The following ZNF462 variants were observed in gnomAD, a reference collection of about 807,000 sequenced individuals.
ZNF462 encodes zinc finger PBX1-interacting protein.
Under a neutral mutation model 201.9 loss-of-function variants are expected in ZNF462, and 10 were observed. That is an observed-to-expected ratio of 0.05 (90% CI 0.03 to 0.08). ZNF462 has a LOEUF of 0.08. Ranked by LOEUF, ZNF462 falls within the 10% of genes least tolerant of loss-of-function variation. ZNF462 has a pLI of 1.00. For missense variants in ZNF462, 2,523 were observed against 3,168.3 expected (o/e 0.80, Z 4.89); for synonymous variants, 1,227 against 1,193.3 (o/e 1.03, Z -0.58).
Position 107,010,596 on chromosome 9 carries a change from G to A in ZNF462, c.7314-227G>A, listed in dbSNP as rs1829877972. ...ATATAGTATAATAATGGATACTTCT[G>A]TAAGTTCAAATCTTTAAGATACAGA... On this transcript the variant is annotated intron_variant, in intron 12 of 12. Coordinates refer to ENST00000277225, the MANE Select transcript of ZNF462 (RefSeq NM_021224.6). This position sits in a 1 kb window ranked among gnomAD's most constrained non-coding sequence, Gnocchi z 4.6. 1.3e-5 allele frequency among the ~76,000 whole-genome samples: 2 copies of A among 152,070 alleles called. No homozygotes were observed.
chr9:106,912,230 C>G (rs1177396022), intron 1 of ZNF462, among the ~76,000 whole-genome samples: 2 of 149,514 alleles, frequency 1.3e-5, no homozygotes, highest in Non-Finnish European at 3.0e-5. Context: ...CATAAAGCTA[C>G]TACATAACAT....
upstream of ZNF462, among the ~76,000 whole-genome samples, chr9:106,860,168 C>A (rs61996261): frequency 3.5e-4 from 53 of 152,280 alleles, no homozygotes; most frequent in African/African-American, 1.0e-3. The surrounding 1 kb of genome is among the most constrained non-coding windows in gnomAD (Gnocchi z 7.1). Flanking sequence ...GGAGCCAAGT[C>A]CCCCCGCGGC....
rs549520412 is a variant in ZNF462, at chr9:106,887,589, G to A, written c.-31+24234G>A. ...GAATCCAAGAATATTTAAGGGACTT[G>A]CTCAAGGTAACGAAGTTGTTTAGTA... On this transcript the variant is annotated intron_variant, in intron 1 of 12. Transcript: ENST00000277225. Among the ~76,000 whole-genome samples, 22 of 152,308 alleles carry A rather than the reference G, an allele frequency of 1.4e-4. No homozygotes were observed. In the South Asian group the frequency reaches 4.6e-3, roughly 32 times the overall value.
intron 7 of ZNF462, among the ~76,000 whole-genome samples, chr9:106,941,604 G>A (rs1830873285): frequency 6.6e-6 from 1 of 152,212 alleles, no homozygotes; most frequent in African/African-American, 2.4e-5. Flanking sequence ...CATTGGGCCT[G>A]TACTGTTTTT....
In ZNF462 at chr9:106,926,877, G is replaced by A; in HGVS notation, c.2965G>A (p.Ala989Thr). Residue 989 changes from alanine to threonine, a missense_variant, in exon 3 of 13, where the codon GCG becomes ACG. Physicochemically the swap from Ala to Thr is moderately conservative, Grantham distance 58. This residue lies in a region of ZNF462 where 280 missense variants were observed against 321.3 expected (regional missense o/e 0.87). Transcript: ENST00000277225. The surrounding 1 kb of genome is among the most constrained non-coding windows in gnomAD (Gnocchi z 7.9). ...EILNSAPKNM[A>T]TSTPVARGGG... ...TCTGAATTCGGCTCCCAAGAACATG[G>A]CGACTTCCACACCTGTGGCTCGTGG... is the stretch of plus-strand genomic sequence containing the variant. 6.2e-7 allele frequency: 1 copy of A among 1,614,126 alleles called. No individual in the cohort carries two copies.
chr9:106,980,205 TG>T (rs146983717), intron 9 of ZNF462, among the ~76,000 whole-genome samples: 3,183 of 152,280 alleles, frequency 0.021, 107 homozygotes, highest in African/African-American at 0.072. Context: ...GGAACTGTTT[TG>T]CTTGTGTTTA....
Position 106,928,365 on chromosome 9 carries a change from C to G in ZNF462, c.4453C>G (p.Leu1485Val). Reference sequence around the variant, plus strand: ...ATCTGAGTATAACAACTTGCACGGCCTTCTCACTCATTATGGGAAGAAGCA... The same window carrying G: ...ATCTGAGTATAACAACTTGCACGGCGTTCTCACTCATTATGGGAAGAAGCA... ...CQSEYNNLHG[L>V]LTHYGKKHPG... is the part of the protein sequence containing the mutation. The change falls in exon 3 of 13, where the codon CTT (leucine) becomes GTT (valine). Residue 1485 changes from leucine (L) to valine (V), a missense_variant. Transcript: ENST00000277225. This position sits in a 1 kb window ranked among gnomAD's most constrained non-coding sequence, Gnocchi z 9.3. 1.2e-6 allele frequency: 2 copies of G among 1,614,170 alleles called. No homozygotes were observed. The highest frequency in any genetic ancestry group is 1.7e-6 in the Non-Finnish European group (2 of 1,180,040).
At chr9:106,914,917 G>A (rs1382727761) in intron 1 of ZNF462, among the ~76,000 whole-genome samples, 1 of 152,018 alleles carries the variant, frequency 6.6e-6, no homozygotes, top group East Asian at 1.9e-4. Flanking sequence ...CATGAAGATT[G>A]GCATTTATAT....
intron 7 of ZNF462, among the ~76,000 whole-genome samples, chr9:106,964,194 GA>G (rs760349146): frequency 1.3e-5 from 2 of 151,978 alleles, no homozygotes; most frequent in Non-Finnish European, 2.9e-5. Context: ...CCAGTAGTGG[GA>G]TTGCTTGATC....
chr9:107,011,202 T>C lies in ZNF462; in HGVS notation c.*172T>C. The C allele has an allele frequency of 1.7e-6, 1 of 596,224 alleles. No individual in the cohort carries two copies. The highest frequency in any genetic ancestry group is 2.9e-6 in the Non-Finnish European group (1 of 339,264). 36.9% of individuals were successfully genotyped at this position (596,224 alleles called of 1,614,324 possible). A position where few individuals can be genotyped will look rare whatever the true frequency, so the allele number is the denominator to read the frequency against. ...GTACCTGTGTGAGTGAGTATGTAAA[T>C]TAAAGTTATTTAAATGGTTGGAATA... On this transcript the variant is annotated 3_prime_UTR_variant, in exon 13 of 13. Transcript: ENST00000277225. This position sits in a 1 kb window ranked among gnomAD's most constrained non-coding sequence, Gnocchi z 5.6.
chr9:106,916,577 G>C (rs1054767715), intron 1 of ZNF462, among the ~76,000 whole-genome samples: 3 of 152,166 alleles, frequency 2.0e-5, no homozygotes, highest in South Asian at 2.1e-4. Context: ...TCTGGGGGGG[G>C]AGAAATCAGT....
chr9:107,003,216 TAGAA>T lies in ZNF462; in HGVS notation c.7057-74_7057-71del. The T allele has an allele frequency of 6.4e-7, 1 of 1,555,508 alleles. No individual in the cohort carries two copies. The highest frequency in any genetic ancestry group is 2.3e-5 in the East Asian group (1 of 43,430). On this transcript the variant is annotated intron_variant, in intron 10 of 12. Transcript: ENST00000277225. The surrounding 1 kb of genome is among the most constrained non-coding windows in gnomAD (Gnocchi z 4.4). Reference sequence around the variant, plus strand: ...AACCACAGTCACAGGAAAATGATGTTAGAAAGATCTCTCCATCAGGGAGAACCCC... The same window carrying T: ...AACCACAGTCACAGGAAAATGATGTTAGATCTCTCCATCAGGGAGAACCCC...
chr9:106,908,271 A>G (rs1829358393), intron 1 of ZNF462, among the ~76,000 whole-genome samples: 2 of 152,092 alleles, frequency 1.3e-5, no homozygotes, highest in African/African-American at 4.8e-5. Flanking sequence ...TCTTTCTCCA[A>G]TTAATCTGTT....
chr9:106,967,986 G>A (rs1832158026), intron 7 of ZNF462, among the ~76,000 whole-genome samples: 1 of 151,734 alleles, frequency 6.6e-6, no homozygotes, highest in Non-Finnish European at 1.5e-5. Flanking sequence ...CTGTTCTAAT[G>A]TTATTTTCTT....
At chr9:106,953,755 C>T (rs1338737284) in intron 7 of ZNF462, among the ~76,000 whole-genome samples, 4 of 152,162 alleles carry the variant, frequency 2.6e-5, no homozygotes, top group East Asian at 1.9e-4. Flanking sequence ...GTTCTAACTG[C>T]TCCCTACCTT....
At chr9:106,910,353 CTTGT>C (rs1829491588) in intron 1 of ZNF462, among the ~76,000 whole-genome samples, 1 of 127,022 alleles carries the variant, frequency 7.9e-6, no homozygotes, top group Non-Finnish European at 1.6e-5. Flanking sequence ...TCCTCCACCC[CTTGT>C]TTTAGTTTTT....
intron 11 of ZNF462, among the ~76,000 whole-genome samples, chr9:107,007,412 C>T (rs1438810783): frequency 1.3e-5 from 2 of 152,142 alleles, no homozygotes; most frequent in Non-Finnish European, 2.9e-5. Context: ...TCAGGGTCTC[C>T]TCTTCTCACT....
At chr9:106,871,287 C>T (rs543463637) in intron 1 of ZNF462, among the ~76,000 whole-genome samples, 13 of 152,222 alleles carry the variant, frequency 8.5e-5, no homozygotes, top group African/African-American at 2.9e-4. Context: ...TGAAAGGATA[C>T]GTGGATTAGC....
intron 1 of ZNF462, among the ~76,000 whole-genome samples, chr9:106,878,429 A>G (rs1483566445): frequency 6.6e-6 from 1 of 152,190 alleles, no homozygotes; most frequent in Non-Finnish European, 1.5e-5. Flanking sequence ...ATAGAGTTGG[A>G]AATAATTTAG....
Sources: allele counts gnomAD v4.1 joint callset (sites outside exome capture counted in the v4.1 genomes callset), GRCh38; gene constraint gnomAD v4.1.1; regional missense constraint gnomAD v4.1.1; non-coding constraint Gnocchi (gnomAD v3.1); transcripts MANE v1.5; gene names NCBI Gene and HGNC (gene_info 2026-07-23, HGNC 2026-07-21).